Variants in NOTCH2NLC observed in about 807,000 individuals in gnomAD.
NOTCH2NLC encodes the protein notch homolog 2 N-terminal-like protein C.
NOTCH2NLC carries 4 observed loss-of-function variants against 17.7 expected under a neutral mutation model. The ratio of observed to expected loss-of-function variants is 0.23; its 90% CI spans 0.11 to 0.52. The LOEUF is 0.52. NOTCH2NLC is among the 20% of genes least tolerant of loss of function. The pLI, the probability that NOTCH2NLC is intolerant of heterozygous loss-of-function variation, is 0.96. For missense variants in NOTCH2NLC, 57 were observed against 207.2 expected, an observed-to-expected ratio of 0.28 and a Z score of 4.45; for synonymous variants, 18 against 86.0, an observed-to-expected ratio of 0.21 and a Z score of 4.38.
At position 149,445,953 on chromosome 1, in the gene NOTCH2NLC, T is replaced by C. The variant is rs2084550578; in HGVS notation, c.210-9365T>C. 1.1e-4 allele frequency among the ~76,000 whole-genome samples: 12 copies of C among 113,102 alleles called. No homozygotes were observed. The South Asian group carries it at 4.1e-3, about 39-fold the overall frequency. 74.2% of individuals were successfully genotyped at this position (113,102 alleles called of 152,430 possible). On this transcript the variant is annotated intron_variant, in intron 2 of 4. Transcript: ENST00000650865. ...TAAAGACAGAGCTGCAGCAAAGCCC[T>C]GGATGCAATTTGGCCTCACCCTGCT...
intron 1 of NOTCH2NLC, among the ~76,000 whole-genome samples, chr1:149,416,634 G>T (rs2084336660): frequency 7.8e-6 from 1 of 128,104 alleles, no homozygotes; most frequent in African/African-American, 2.8e-5. Context: ...ATTTCCTTTT[G>T]CTCCTGTGTT....
At chr1:149,393,069 CAAAA>C (rs1158506660) in intron 1 of NOTCH2NLC, among the ~76,000 whole-genome samples, 16 of 43,066 alleles carry the variant, frequency 3.7e-4, no homozygotes, top group African/African-American at 1.2e-3. Flanking sequence ...GACTCCGTCT[CAAAA>C]AAAAAAAAAA....
At position 149,414,477 on chromosome 1, in the gene NOTCH2NLC, T is replaced by G. The variant is rs1271134843; in HGVS notation, c.136-16465T>G. Among the ~76,000 whole-genome samples, 4 of 150,948 alleles carry G rather than the reference T, an allele frequency of 2.6e-5. No homozygotes were observed. The East Asian group carries it at 8.0e-4, about 30-fold the overall frequency. On this transcript the variant is annotated intron_variant, in intron 1 of 4. Coordinates refer to ENST00000650865, the MANE Select transcript of NOTCH2NLC (RefSeq NM_001364013.2). ...TCTTGAGCGCATATGTATCCTACTT[T>G]ATGAAATCTGGGGGTAAAGCAGGAC...
chr1:149,412,629 G>A (rs1441147504), intron 1 of NOTCH2NLC, among the ~76,000 whole-genome samples: 3 of 146,988 alleles, frequency 2.0e-5, no homozygotes, highest in Non-Finnish European at 4.5e-5. Flanking sequence ...GGCCAATGTG[G>A]CAAAACCCCG....
intron 3 of NOTCH2NLC, among the ~76,000 whole-genome samples, chr1:149,457,452 G>A: frequency 8.9e-6 from 1 of 112,102 alleles, no homozygotes; most frequent in Non-Finnish European, 1.9e-5. Context: ...TTCTCTAGAG[G>A]GATGGAACTA....
intron 2 of NOTCH2NLC, among the ~76,000 whole-genome samples, chr1:149,445,921 A>AAG (rs2084550236): frequency 7.1e-6 from 1 of 140,044 alleles, no homozygotes; most frequent in African/African-American, 2.6e-5. Context: ...AAAAAAAAAA[A>AAG]AAAAGCTAAA....
chr1:149,461,079 T>C (rs1361322231), intron 3 of NOTCH2NLC, among the ~76,000 whole-genome samples: 3 of 149,514 alleles, frequency 2.0e-5, no homozygotes, highest in Admixed American at 6.7e-5. Context: ...GGATTACAGG[T>C]ATGTGCTATG....
intron 1 of NOTCH2NLC, among the ~76,000 whole-genome samples, chr1:149,421,566 G>C (rs1479016218): frequency 7.3e-6 from 1 of 136,198 alleles, no homozygotes; most frequent in Non-Finnish European, 1.6e-5. Flanking sequence ...TTGGTGACAG[G>C]CAAAATTTGT....
rs1159360188 is a variant in NOTCH2NLC at position 149,444,940 on chromosome 1, CT to C, written c.210-10369del. ...CTTGCTGAGTAAGCTATAGTATTTC[CT>C]TTTTTTTTCTTTTTATTTGAGAAAA... is the stretch of plus-strand genomic sequence containing the variant. On this transcript the variant is annotated intron_variant, in intron 2 of 4. Transcript: ENST00000650865. Among the ~76,000 whole-genome samples, 54 of 149,074 alleles carry C rather than the reference CT, an allele frequency of 3.6e-4. 1 individual carries two copies. The highest frequency in any genetic ancestry group is 1.2e-3 in the African/African-American group (47 of 40,318).
intron 1 of NOTCH2NLC, among the ~76,000 whole-genome samples, chr1:149,393,346 T>G (rs2084186172): frequency 6.6e-6 from 1 of 151,284 alleles, no homozygotes; most frequent in Non-Finnish European, 1.5e-5. Context: ...GAAGCCTGTT[T>G]CTTGGTACAA....
intron 1 of NOTCH2NLC, among the ~76,000 whole-genome samples, chr1:149,424,270 G>A (rs1475994213): frequency 7.3e-5 from 11 of 151,000 alleles, no homozygotes; most frequent in Non-Finnish European, 1.5e-4. Context: ...AAACATCAAG[G>A]GTTCCTATTG....
Position 149,471,600 on chromosome 1 carries a change from G to A in NOTCH2NLC, c.*7447G>A, listed in dbSNP as rs1414447924. Among the ~76,000 whole-genome samples the A allele has an allele frequency of 6.7e-6, 1 of 150,066 alleles. No individual in the cohort carries two copies. ...ATCTATATATAGAGAAAGTAGATTA[G>A]TGGTTGTCAGAGACTGCAAGAAGTG... On this transcript the variant is annotated 3_prime_UTR_variant, in exon 5 of 5. Transcript: ENST00000650865.
intron 2 of NOTCH2NLC, among the ~76,000 whole-genome samples, chr1:149,436,015 A>G (rs2084480237): frequency 7.1e-6 from 1 of 140,392 alleles, no homozygotes; most frequent in African/African-American, 2.6e-5. Context: ...AGTGCCTTTG[A>G]TATTTTGTCC....
chr1:149,400,169 A>G (rs2084235939), intron 1 of NOTCH2NLC, among the ~76,000 whole-genome samples: 1 of 139,114 alleles, frequency 7.2e-6, no homozygotes, highest in African/African-American at 2.6e-5. Context: ...ACAGATCTAC[A>G]TATATATATA....
At position 149,394,498 on chromosome 1, in the gene NOTCH2NLC, A is replaced by G. The variant is rs1275665452; in HGVS notation, c.135+3576A>G. On this transcript the variant is annotated intron_variant, in intron 1 of 4. Transcript: ENST00000650865. ...TGCATTGACCCTTTAGAAGGGCTTC[A>G]TATATTTAGATGATATAATAAATTC... 1.4e-4 allele frequency among the ~76,000 whole-genome samples: 21 copies of G among 151,170 alleles called. 1 individual carries two copies. Among genetic ancestry groups the G allele is most frequent in the Admixed American group, 2.0e-4 (3 of 15,190 alleles).
At chr1:149,426,991 C>T (rs1246486065) in intron 1 of NOTCH2NLC, among the ~76,000 whole-genome samples, 1 of 149,194 alleles carries the variant, frequency 6.7e-6, no homozygotes, top group Non-Finnish European at 1.5e-5. Context: ...CCACGAGTCT[C>T]AAGATTATTT....
chr1:149,414,983 C>G (rs1480370118), intron 1 of NOTCH2NLC, among the ~76,000 whole-genome samples: 1 of 122,294 alleles, frequency 8.2e-6, no homozygotes, highest in African/African-American at 3.1e-5. Flanking sequence ...TGTTTTTTAT[C>G]TAAGGAGAAC....
chr1:149,419,335 C>G (rs1238671882), intron 1 of NOTCH2NLC, among the ~76,000 whole-genome samples: 1 of 150,628 alleles, frequency 6.6e-6, no homozygotes, highest in Non-Finnish European at 1.5e-5. Context: ...GGTGTTGCTG[C>G]AAATGGAGAA....
chr1:149,419,855 A>ATTTTTTT (rs1166865199), intron 1 of NOTCH2NLC, among the ~76,000 whole-genome samples: 1 of 78,206 alleles, frequency 1.3e-5, no homozygotes. Context: ...ATATATATAT[A>ATTTTTTT]TTTTTTTTTT....
Sources: allele counts gnomAD v4.1 joint callset (sites outside exome capture counted in the v4.1 genomes callset), GRCh38; gene constraint gnomAD v4.1.1; transcripts MANE v1.5; gene names NCBI Gene and HGNC (gene_info 2026-07-23, HGNC 2026-07-21).